TCF12: variants seen among roughly 807,000 people sequenced by gnomAD.
TCF12 encodes transcription factor 12, also known as DNA-binding protein HTF4.
In TCF12, 45 loss-of-function variants were observed where a neutral mutation model predicts 86.0. The observed-to-expected ratio is 0.52, with a 90% CI of 0.41 to 0.67. The LOEUF (loss-of-function observed/expected upper bound fraction) is 0.67, where lower values mean the gene tolerates loss of function less well. Ranked by LOEUF, TCF12 falls within the 30% of genes least tolerant of loss-of-function variation. The pLI is 0.00. For missense variants in TCF12, 881 were observed against 859.9 expected (o/e 1.02, Z -0.31); for synonymous variants, 330 against 299.6 (o/e 1.10, Z -1.05).
intron 1 of TCF12, chr15:56,919,674 T>C: frequency 2.6e-6 from 1 of 384,652 alleles, no homozygotes; most frequent in East Asian, 4.5e-5. Context: ...GCCGCGTCGA[T>C]CTCGGGCCGC....
chr15:57,088,192 G>T (rs2048769541), intron 4 of TCF12, among the ~76,000 whole-genome samples: 1 of 152,042 alleles, frequency 6.6e-6, no homozygotes, highest in South Asian at 2.1e-4. Flanking sequence ...ACTCCCTTAG[G>T]CCATTTACCT....
chr15:56,955,583 T>C (rs1468774568), intron 3 of TCF12, among the ~76,000 whole-genome samples: 1 of 152,076 alleles, frequency 6.6e-6, no homozygotes, highest in Non-Finnish European at 1.5e-5. Flanking sequence ...AAAAAAAGCA[T>C]TTGTGGTTAG....
At chr15:57,053,518 C>G (rs1384956621) in intron 3 of TCF12, among the ~76,000 whole-genome samples, 3 of 151,886 alleles carry the variant, frequency 2.0e-5, no homozygotes, top group Non-Finnish European at 4.4e-5. Context: ...TTTATTTTGT[C>G]ACATCCAAGA....
chr15:57,059,302 C>A (rs1329694673), intron 3 of TCF12, among the ~76,000 whole-genome samples: 2 of 152,174 alleles, frequency 1.3e-5, no homozygotes, highest in Non-Finnish European at 2.9e-5. Context: ...GTGTCTCTTT[C>A]CCACAGGGAT....
intron 4 of TCF12, among the ~76,000 whole-genome samples, chr15:57,080,171 T>C (rs2070501207): frequency 6.6e-6 from 1 of 152,222 alleles, no homozygotes; most frequent in African/African-American, 2.4e-5. Context: ...GAAGCTAATT[T>C]ATCATTTAAA....
Position 57,283,485 on chromosome 15 carries a change from G to A in TCF12, c.*11+887G>A, listed in dbSNP as rs145595516. Among the ~76,000 whole-genome samples the A allele has an allele frequency of 9.3e-3, 1,416 of 152,128 alleles. 11 individuals are homozygous for A. Among genetic ancestry groups the A allele is most frequent in the Non-Finnish European group, 0.014 (976 of 67,988 alleles). On this transcript the variant is annotated intron_variant, in intron 20 of 20. Transcript: ENST00000333725. The stretch of plus-strand genomic sequence containing the variant: ...TCACGATGTTGGCCAGGCTGGTCTC[G>A]AACTCCTAACCTCAGGTGATCCACC...
intron 3 of TCF12, among the ~76,000 whole-genome samples, chr15:56,978,762 T>C (rs1301283831): frequency 2.0e-5 from 3 of 152,208 alleles, no homozygotes; most frequent in Admixed American, 6.5e-5. Flanking sequence ...TGGGGCCTAC[T>C]ATCCCTTAGG....
intron 8 of TCF12, among the ~76,000 whole-genome samples, chr15:57,229,321 A>G (rs2059025925): frequency 2.6e-5 from 4 of 151,984 alleles, no homozygotes; most frequent in Non-Finnish European, 5.9e-5. Context: ...ATACCTTTAA[A>G]CCAGAAAAGT....
At chr15:57,165,610 C>T (rs2054833701) in intron 5 of TCF12, among the ~76,000 whole-genome samples, 1 of 150,694 alleles carries the variant, frequency 6.6e-6, no homozygotes, top group Non-Finnish European at 1.5e-5. Flanking sequence ...GATCTTGGCT[C>T]ACTGCAACCT....
intron 3 of TCF12, among the ~76,000 whole-genome samples, chr15:57,007,149 T>G (rs2064430797): frequency 6.6e-6 from 1 of 152,228 alleles, no homozygotes; most frequent in African/African-American, 2.4e-5. Flanking sequence ...GTGAAACATT[T>G]CCTCAGTTTC....
At chr15:57,208,380 C>CTT (rs1184422578) in intron 8 of TCF12, among the ~76,000 whole-genome samples, 10 of 65,586 alleles carry the variant, frequency 1.5e-4, no homozygotes, top group African/African-American at 5.4e-4. Context: ...CAAAAATATC[C>CTT]TTTTTTTTTT....
chr15:57,163,979 C>T (rs536858863), intron 5 of TCF12, among the ~76,000 whole-genome samples: 3 of 152,270 alleles, frequency 2.0e-5, no homozygotes, highest in African/African-American at 7.2e-5. Context: ...AGAACAACTT[C>T]ATTCTGTGCT....
intron 5 of TCF12, among the ~76,000 whole-genome samples, chr15:57,114,679 G>A (rs1197197190): frequency 2.6e-5 from 4 of 152,098 alleles, no homozygotes; most frequent in Non-Finnish European, 5.9e-5. Context: ...GCCATTGTAA[G>A]CATTTCTTAG....
At chr15:57,283,560 C>T (rs550306392) in intron 20 of TCF12, among the ~76,000 whole-genome samples, 1 of 152,226 alleles carries the variant, frequency 6.6e-6, no homozygotes, top group Admixed American at 6.5e-5. Flanking sequence ...CCACCTCGCC[C>T]AGCTGGTAAC....
At chr15:56,921,419 A>C (rs1172419706) in intron 3 of TCF12, among the ~76,000 whole-genome samples, 1 of 100,904 alleles carries the variant, frequency 9.9e-6, no homozygotes, top group Non-Finnish European at 2.2e-5. Context: ...ACATTATGAT[A>C]ATGTTTAGAG....
In TCF12 at chr15:57,257,396, C is replaced by T. The variant is rs1023948062; in HGVS notation, c.1467+3928C>T. On this transcript the variant is annotated intron_variant, in intron 16 of 20. Coordinates refer to ENST00000333725, the MANE Select transcript of TCF12 (RefSeq NM_207037.2). ...GGTACAGGCCAGGCATGGTGTTTCA[C>T]ACCTGTAATCTCAGCACTTTGGGAG... 2.0e-5 allele frequency among the ~76,000 whole-genome samples: 3 copies of T among 152,140 alleles called. No individual in the cohort carries two copies. In the East Asian group the frequency reaches 5.8e-4, roughly 29 times the overall value.
intron 8 of TCF12, among the ~76,000 whole-genome samples, chr15:57,204,247 G>T (rs1293080825): frequency 1.3e-5 from 2 of 152,030 alleles, no homozygotes; most frequent in African/African-American, 4.8e-5. Flanking sequence ...ACCAGCCTAG[G>T]CCACATAGTG....
At chr15:57,091,133 T>C (rs1339402943) in intron 4 of TCF12, among the ~76,000 whole-genome samples, 31 of 152,160 alleles carry the variant, frequency 2.0e-4, no homozygotes, top group Admixed American at 1.2e-3. Flanking sequence ...TTAATAATTG[T>C]TTTACTTTTT....
intron 5 of TCF12, among the ~76,000 whole-genome samples, chr15:57,134,773 TC>T (rs1191295902): frequency 6.6e-6 from 1 of 152,136 alleles, no homozygotes; most frequent in African/African-American, 2.4e-5. Context: ...TTTTCCTCTC[TC>T]TTAAATCTTG....
Sources: allele counts gnomAD v4.1 joint callset (sites outside exome capture counted in the v4.1 genomes callset), GRCh38; gene constraint gnomAD v4.1.1; transcripts MANE v1.5; gene names NCBI Gene and HGNC (gene_info 2026-07-23, HGNC 2026-07-21).